The following GPAT4 variants were observed in gnomAD, a reference collection of about 807,000 sequenced individuals.
GPAT4 encodes the protein glycerol-3-phosphate acyltransferase 4, also known as 1-AGP acyltransferase 6.
In GPAT4, 17 loss-of-function variants were observed where a neutral mutation model predicts 58.0. That is an observed-to-expected ratio of 0.29 (90% CI 0.20 to 0.44). The LOEUF is 0.44. Ranked by LOEUF, GPAT4 falls within the 20% of genes least tolerant of loss-of-function variation. GPAT4 has a pLI of 1.00. For synonymous variants in GPAT4, 204 were observed against 210.1 expected (o/e 0.97, Z 0.25); for missense variants, 377 against 574.5 (o/e 0.66, Z 3.51).
At chr8:41,601,140 TA>T (rs35319848) in intron 2 of GPAT4, among the ~76,000 whole-genome samples, 71,151 of 151,564 alleles carry the variant, frequency 0.47, 17,113 homozygotes, top group African/African-American at 0.56. Context: ...GAGCATTGCT[TA>T]AGGATGGACT....
intron 1 of GPAT4, among the ~76,000 whole-genome samples, chr8:41,588,110 G>A (rs1018448172): frequency 7.9e-5 from 12 of 152,224 alleles, no homozygotes; most frequent in African/African-American, 2.9e-4. Context: ...ACCTAGGACT[G>A]AAGACTGAGT....
At chr8:41,582,822 A>C (rs530659500) in intron 1 of GPAT4, among the ~76,000 whole-genome samples, 1 of 152,284 alleles carries the variant, frequency 6.6e-6, no homozygotes, top group Non-Finnish European at 1.5e-5. Context: ...CATGGATAGA[A>C]TGTGTAATGA....
At position 41,610,023 on chromosome 8, in the gene GPAT4, G is replaced by A. The variant is rs1389060317; in HGVS notation, c.536+68G>A. On this transcript the variant is annotated intron_variant, in intron 4 of 12. Transcript: ENST00000396987. ...CACGTGGTGCACAGCCCACCTGCCTGCTCTGCTGTGTATTCCCGTTTTAGA... is the reference window on the plus strand; with the variant it reads ...CACGTGGTGCACAGCCCACCTGCCTACTCTGCTGTGTATTCCCGTTTTAGA... The A allele has an allele frequency of 3.3e-6, 5 of 1,531,262 alleles. No individual in the cohort carries two copies. In the African/African-American group the frequency reaches 4.1e-5, roughly 13 times the overall value. The allele number at this position is 1,531,262 out of a possible 1,614,324, so 94.9% of individuals were successfully genotyped here. A position where few individuals can be genotyped will look rare whatever the true frequency, so the allele number is the denominator to read the frequency against.
intron 2 of GPAT4, 148 bp from the exon 3 acceptor site, chr8:41,609,268 G>A: frequency 1.3e-6 from 1 of 790,106 alleles, no homozygotes; most frequent in Non-Finnish European, 2.1e-6. Flanking sequence ...GGGGAGAGGT[G>A]GTTTGAGTTT....
chr8:41,595,851 C>G (rs1032503665), intron 1 of GPAT4, among the ~76,000 whole-genome samples: 4 of 151,998 alleles, frequency 2.6e-5, no homozygotes, highest in Non-Finnish European at 5.9e-5. Flanking sequence ...TTCTCTGTCT[C>G]TCTCTGCTGG....
At position 41,620,917 on chromosome 8, in the gene GPAT4, G is replaced by C. The variant is rs748770051; in HGVS notation, c.1287G>C (p.Lys429Asn). The C allele has an allele frequency of 6.4e-7, 1 of 1,551,506 alleles. No homozygotes were observed. The highest frequency in any genetic ancestry group is 2.4e-5 in the East Asian group (1 of 40,926). Residue 429 changes from lysine to asparagine, a missense_variant, in exon 13 of 13, where the codon AAG (lysine) becomes AAC (asparagine). Transcript: ENST00000396987. ...GGGATGGGGGCCTGAAGAGGGAGAA[G>C]GTGAAGGACACGTTCAAGGAGGAGC... Reference protein sequence around the residue: ...LLWDGGLKREKVKDTFKEEQQ... With the variant: ...LLWDGGLKRENVKDTFKEEQQ...
At chr8:41,595,757 T>A (rs746082013) in intron 1 of GPAT4, among the ~76,000 whole-genome samples, 7 of 152,188 alleles carry the variant, frequency 4.6e-5, no homozygotes, top group Non-Finnish European at 8.8e-5. Context: ...TCTTCCTCTC[T>A]CTCTGCCTCT....
intron 2 of GPAT4, among the ~76,000 whole-genome samples, chr8:41,601,002 T>A (rs897782678): frequency 2.0e-5 from 3 of 152,152 alleles, no homozygotes; most frequent in Admixed American, 6.5e-5. Flanking sequence ...AATTTGGTCA[T>A]CCTTTCATCC....
intron 4 of GPAT4, chr8:41,610,327 G>A: frequency 1.6e-6 from 2 of 1,221,956 alleles, no homozygotes; most frequent in Non-Finnish European, 2.1e-6. Flanking sequence ...ACCATGTGCT[G>A]CTCTGAGTGT....
intron 2 of GPAT4, among the ~76,000 whole-genome samples, chr8:41,602,413 T>G (rs547360120): frequency 6.6e-6 from 1 of 152,346 alleles, no homozygotes; most frequent in Non-Finnish European, 1.5e-5. Context: ...GGGCCTGTCC[T>G]GTTTGTGGAC....
At chr8:41,607,734 G>A (rs551148650) in intron 2 of GPAT4, among the ~76,000 whole-genome samples, 12 of 152,054 alleles carry the variant, frequency 7.9e-5, no homozygotes, top group Admixed American at 5.2e-4. Flanking sequence ...TTGCCATGTT[G>A]CCCAGGCTGG....
chr8:41,605,840 G>A lies in GPAT4; in HGVS notation c.166-3576G>A, dbSNP rs373373124. On this transcript the variant is annotated intron_variant, in intron 2 of 12. Coordinates refer to ENST00000396987, the MANE Select transcript of GPAT4 (RefSeq NM_178819.4). The stretch of plus-strand genomic sequence containing the variant: ...ACCCTCCTCAGCCTCCTAAAGTTCT[G>A]GGATTACAGGCATGATCCACTGCGC... Among the ~76,000 whole-genome samples the A allele has an allele frequency of 1.7e-4, 26 of 152,266 alleles. No homozygotes were observed. The East Asian group carries it at 3.1e-3, about 18-fold the overall frequency.
chr8:41,585,628 G>T (rs1403722678), intron 1 of GPAT4, among the ~76,000 whole-genome samples: 1 of 152,160 alleles, frequency 6.6e-6, no homozygotes, highest in Non-Finnish European at 1.5e-5. Context: ...CAATACCACA[G>T]GATATGTATT....
intron 1 of GPAT4, among the ~76,000 whole-genome samples, chr8:41,595,400 C>T (rs1229811359): frequency 3.9e-5 from 5 of 127,940 alleles, no homozygotes; most frequent in Non-Finnish European, 7.9e-5. Context: ...AATGAGGTTT[C>T]CTCTAAAAGT....
chr8:41,588,044 G>A (rs1207614103), intron 1 of GPAT4, among the ~76,000 whole-genome samples: 1 of 152,104 alleles, frequency 6.6e-6, no homozygotes, highest in Admixed American at 6.5e-5. Flanking sequence ...TTTGGCCTGT[G>A]GATTTTGTGT....
chr8:41,581,993 ATTTTTTTTTTTTTTT>A (rs71230849), intron 1 of GPAT4, among the ~76,000 whole-genome samples: 74 of 63,610 alleles, frequency 1.2e-3, no homozygotes, highest in East Asian at 3.9e-3. Flanking sequence ...AAGTTCAATG[ATTTTTTTTTTTTTTT>A]TTTTTTTTTT....
At chr8:41,618,502 C>A (rs1354211988) in intron 10 of GPAT4, 182 bp from the exon 11 acceptor site, 5 of 732,668 alleles carry the variant, frequency 6.8e-6, no homozygotes, top group South Asian at 5.1e-5. Flanking sequence ...CGGGGGAGAT[C>A]AGTGTTGCTC....
chr8:41,604,919 T>C (rs1803217079), intron 2 of GPAT4, among the ~76,000 whole-genome samples: 1 of 152,022 alleles, frequency 6.6e-6, no homozygotes. Flanking sequence ...AGAGTGGGAG[T>C]ATTAATACTC....
intron 2 of GPAT4, among the ~76,000 whole-genome samples, chr8:41,599,605 C>CT (rs1405828235): frequency 6.6e-6 from 1 of 152,216 alleles, no homozygotes; most frequent in Non-Finnish European, 1.5e-5. Flanking sequence ...TCTTGCATAA[C>CT]TGATGCCATA....
Sources: gnomAD v4.1 joint callset for allele counts (sites outside exome capture counted in the v4.1 genomes callset) on GRCh38, gnomAD v4.1.1 for gene constraint, MANE v1.5 for transcripts, NCBI Gene and HGNC (gene_info 2026-07-23, HGNC 2026-07-21) for gene names.